The following TENM2 variants were observed in gnomAD, a reference collection of about 807,000 sequenced individuals.
TENM2 encodes teneurin-2.
TENM2 carries 52 observed loss-of-function variants against 245.2 expected under a neutral mutation model. The ratio of observed to expected loss-of-function variants is 0.21; its 90% confidence interval spans 0.17 to 0.27. The LOEUF is 0.27. Ranked by LOEUF, TENM2 falls within the 10% of genes least tolerant of loss-of-function variation. TENM2 has a pLI of 1.00. For missense variants in TENM2, 3,046 were observed against 3,666.8 expected, an observed-to-expected ratio of 0.83 and a Z score of 4.37; for synonymous variants, 1,363 against 1,438.9, an observed-to-expected ratio of 0.95 and a Z score of 1.19.
At chr5:167,511,260 A>G (rs921422890) in intron 2 of TENM2, among the ~76,000 whole-genome samples, 6 of 152,168 alleles carry the variant, frequency 3.9e-5, no homozygotes, top group Admixed American at 6.5e-5. Context: ...AAATCAGAGT[A>G]AAAGAAATTG....
chr5:168,052,829 A>G (rs116548948), intron 6 of TENM2, among the ~76,000 whole-genome samples: 1,613 of 152,274 alleles, frequency 0.011, 21 homozygotes, highest in African/African-American at 0.035. Context: ...TGAAAAAAAA[A>G]ATTAGAATTT....
intron 2 of TENM2, among the ~76,000 whole-genome samples, chr5:167,397,333 A>T (rs573060720): frequency 6.6e-6 from 1 of 152,158 alleles, no homozygotes; most frequent in South Asian, 2.1e-4. Context: ...AACCATACTC[A>T]TCAGGAGACT....
At chr5:167,276,689 C>T in the TENM2 span, among the ~76,000 whole-genome samples, 1 of 152,176 alleles carries the variant, frequency 6.6e-6, no homozygotes, top group Non-Finnish European at 1.5e-5. Context: ...ATAACCTATG[C>T]ACATCCTTCT....
intron 7 of TENM2, among the ~76,000 whole-genome samples, chr5:168,082,641 T>G (rs1466860981): frequency 6.6e-6 from 1 of 152,196 alleles, no homozygotes; most frequent in Non-Finnish European, 1.5e-5. Context: ...TTAGTTTTCC[T>G]TCTTTCTGTT....
At chr5:168,014,976 G>T (rs1235349079) in intron 5 of TENM2, among the ~76,000 whole-genome samples, 1 of 152,018 alleles carries the variant, frequency 6.6e-6, no homozygotes, top group Admixed American at 6.5e-5. Flanking sequence ...TGTGTAGACT[G>T]GTGAAGCTTC....
intron 1 of TENM2, among the ~76,000 whole-genome samples, chr5:167,354,798 C>CA (rs1271738850): frequency 2.0e-5 from 3 of 152,232 alleles, no homozygotes; most frequent in Non-Finnish European, 4.4e-5. Context: ...ACACATAACA[C>CA]ACGATCAATA....
At chr5:167,914,634 A>C (rs1386840804) in intron 3 of TENM2, among the ~76,000 whole-genome samples, 2 of 152,128 alleles carry the variant, frequency 1.3e-5, no homozygotes, top group Non-Finnish European at 2.9e-5. Context: ...GGCTTCAAAC[A>C]ACAGACATTT....
intron 2 of TENM2, among the ~76,000 whole-genome samples, chr5:167,622,663 A>G (rs1437425384): frequency 1.3e-5 from 2 of 152,106 alleles, no homozygotes; most frequent in African/African-American, 2.4e-5. Flanking sequence ...TGTGTTTTTG[A>G]AAATCCATCA....
chr5:167,376,440 T>C (rs1397193224), intron 2 of TENM2, among the ~76,000 whole-genome samples: 10 of 152,208 alleles, frequency 6.6e-5, no homozygotes, highest in Admixed American at 6.5e-4. Flanking sequence ...CAGCTTTAAG[T>C]ATTTCCTTTC....
chr5:167,050,705 CCT>C, the TENM2 span, among the ~76,000 whole-genome samples: 1 of 152,112 alleles, frequency 6.6e-6, no homozygotes, highest in Non-Finnish European at 1.5e-5. Context: ...AGCAAAGATT[CCT>C]CTCTCCGTCT....
At chr5:167,858,991 C>A (rs933045222) in intron 2 of TENM2, among the ~76,000 whole-genome samples, 9 of 148,100 alleles carry the variant, frequency 6.1e-5, no homozygotes, top group African/African-American at 2.2e-4. Context: ...ATGTGAGGAG[C>A]CCCTCTGCCT....
chr5:167,409,759 G>C (rs1026893687), intron 2 of TENM2, among the ~76,000 whole-genome samples: 2 of 151,808 alleles, frequency 1.3e-5, no homozygotes, highest in Admixed American at 1.3e-4. Flanking sequence ...ATTCAGGTAG[G>C]GGTGTGTGTG....
chr5:167,021,809 C>T, the TENM2 span, among the ~76,000 whole-genome samples: 1 of 152,136 alleles, frequency 6.6e-6, no homozygotes, highest in African/African-American at 2.4e-5. Flanking sequence ...CTGGTTTTGT[C>T]ATGTACTAGC....
Position 167,923,867 on chromosome 5 carries a change from C to T in TENM2, c.713-28721C>T, listed in dbSNP as rs543483546. Among the ~76,000 whole-genome samples, 7 of 152,132 alleles carry T rather than the reference C, an allele frequency of 4.6e-5. No individual in the cohort carries two copies. The South Asian group carries it at 6.3e-4, about 14-fold the overall frequency. On this transcript the variant is annotated intron_variant, in intron 3 of 28. Coordinates refer to ENST00000518659, the Ensembl canonical transcript of TENM2. ...CTCTCTTTCCCGGCCATCACCTTTC[C>T]GTCAAATGTTCTCAGGGTGCATGTG... is the stretch of plus-strand genomic sequence containing the variant.
chr5:167,234,414 C>G, the TENM2 span, among the ~76,000 whole-genome samples: 1 of 152,142 alleles, frequency 6.6e-6, no homozygotes, highest in Non-Finnish European at 1.5e-5. Flanking sequence ...ACAATTGAGG[C>G]ATTTTTTGGT....
intron 9 of TENM2, among the ~76,000 whole-genome samples, chr5:168,112,618 C>CGGG (rs1581344358): frequency 1.0e-5 from 1 of 99,438 alleles, no homozygotes; most frequent in Non-Finnish European, 2.1e-5. Flanking sequence ...GGGGGGGGGT[C>CGGG]AAACTTTATT....
chr5:167,751,440 G>A (rs925866996), intron 2 of TENM2, among the ~76,000 whole-genome samples: 2 of 152,154 alleles, frequency 1.3e-5, no homozygotes, highest in Admixed American at 1.3e-4. Context: ...CTTGTCTTTT[G>A]GGAGTTTACA....
chr5:167,968,998 A>C (rs1781574752), intron 4 of TENM2, among the ~76,000 whole-genome samples: 1 of 152,158 alleles, frequency 6.6e-6, no homozygotes, highest in African/African-American at 2.4e-5. Context: ...TTCTATTGAC[A>C]ATCTTTTCAC....
At chr5:168,069,988 C>T (rs997191923) in intron 7 of TENM2, among the ~76,000 whole-genome samples, 1 of 152,076 alleles carries the variant, frequency 6.6e-6, no homozygotes, top group South Asian at 2.1e-4. Context: ...TTATAAAAAA[C>T]GTAAAGAGAG....
Sources: gnomAD v4.1 joint callset for allele counts (sites outside exome capture counted in the v4.1 genomes callset) on GRCh38, gnomAD v4.1.1 for gene constraint, MANE v1.5 for transcripts, NCBI Gene and HGNC (gene_info 2026-07-23, HGNC 2026-07-21) for gene names.